TIE1: variants seen among roughly 807,000 people sequenced by gnomAD.
The protein encoded by TIE1 is tyrosine kinase with immunoglobulin like and EGF like domains 1, also known as tyrosine-protein kinase receptor Tie-1.
In TIE1, 89 loss-of-function variants were observed where a neutral mutation model predicts 130.5. The ratio of observed to expected loss-of-function variants is 0.68; its 90% CI spans 0.57 to 0.81. The LOEUF (loss-of-function observed/expected upper bound fraction) is 0.81, where lower values mean the gene tolerates loss of function less well. Ranked by LOEUF, TIE1 falls within the 40% of genes least tolerant of loss-of-function variation. The pLI is 0.00. For synonymous variants in TIE1, 568 were observed against 629.4 expected, an observed-to-expected ratio of 0.90 and a Z score of 1.46; for missense variants, 1,392 against 1,559.8, an observed-to-expected ratio of 0.89 and a Z score of 1.81.
Position 43,318,869 on chromosome 1 carries a change from G to A in TIE1, c.2923-366G>A, listed in dbSNP as rs1033217218. On this transcript the variant is annotated intron_variant, in intron 17 of 22. Transcript: ENST00000372476. The surrounding 1 kb of genome is among the most constrained non-coding windows in gnomAD (Gnocchi z 4.4). ...CAGAGGGGCAGGGGAAGGGGCCAGT[G>A]CAGAGGGAGGGGCTGGTGGAGAGAG... is the stretch of plus-strand genomic sequence containing the variant. Among the ~76,000 whole-genome samples the A allele has an allele frequency of 6.6e-6, 1 of 152,128 alleles. No individual in the cohort carries two copies. The highest frequency in any genetic ancestry group is 1.5e-5 in the Non-Finnish European group (1 of 68,028).
chr1:43,321,792 C>G, intron 22 of TIE1, 77 bp downstream of exon 22: 6 of 1,356,952 alleles, frequency 4.4e-6, no homozygotes, highest in Non-Finnish European at 6.1e-6. Flanking sequence ...TGCCATGACC[C>G]CTGTCCCAAC....
At position 43,317,739 on chromosome 1, in the gene TIE1, A is replaced by C; in HGVS notation, c.2731+65A>C. 6.8e-7 allele frequency: 1 copy of C among 1,477,662 alleles called. No homozygotes were observed. Among genetic ancestry groups the C allele is most frequent in the Non-Finnish European group, 9.3e-7 (1 of 1,077,936 alleles). The allele number at this position is 1,477,662 out of a possible 1,614,324, so 91.5% of individuals were successfully genotyped here. A position where few individuals can be genotyped will look rare whatever the true frequency, so the allele number is the denominator to read the frequency against. ...CCCATCCTCAGCCATCACCTCCACC[A>C]CATGAGTAGCTTGCCAGGGGCTGCT... On this transcript the variant is annotated intron_variant, in intron 16 of 22. Transcript: ENST00000372476. The surrounding 1 kb of genome is among the most constrained non-coding windows in gnomAD (Gnocchi z 5.1).
chr1:43,303,648 C>T (rs528202643), intron 1 of TIE1, among the ~76,000 whole-genome samples: 39 of 152,178 alleles, frequency 2.6e-4, no homozygotes, highest in Admixed American at 2.3e-3. Flanking sequence ...ACTCTGACTC[C>T]ACCTGATCTC....
Position 43,304,982 on chromosome 1 carries a change from G to A in TIE1, c.190G>A (p.Glu64Lys). ...SDAWGPPLLLEKDDRIVRTPP... is the reference protein window; with the variant it reads ...SDAWGPPLLLKKDDRIVRTPP... ...CGCCTGGGGCCCGCCCCTGCTGCTG[G>A]AGAAGGACGACCGTATCGTGCGCAC... The change falls in exon 2 of 23, where the codon GAG becomes AAG. Residue 64 changes from glutamate (E) to lysine (K), a missense_variant. This residue lies in a region of TIE1 where 415 missense variants were observed against 424.8 expected (regional missense o/e 0.98). Transcript: ENST00000372476. 2 of 1,485,960 alleles carry A rather than the reference G, an allele frequency of 1.3e-6. No individual in the cohort carries two copies. The highest frequency in any genetic ancestry group is 1.4e-5 in the South Asian group (1 of 72,652). 92.0% of individuals were successfully genotyped at this position (1,485,960 alleles called of 1,614,324 possible). A position where few individuals can be genotyped will look rare whatever the true frequency, so the allele number is the denominator to read the frequency against.
rs368858498 is a variant in TIE1, at chr1:43,309,141, C to T, written c.1188+10C>T. On this transcript the variant is annotated intron_variant, in intron 8 of 22. Coordinates refer to ENST00000372476, the MANE Select transcript of TIE1 (RefSeq NM_005424.5). This position sits in a 1 kb window ranked among gnomAD's most constrained non-coding sequence, Gnocchi z 6.3. ...CGGCACTGTGCTCCTGGTCAGCCCC[C>T]AATCACCCCAACCCACCAGCCCCTC... is the stretch of plus-strand genomic sequence containing the variant. 1.3e-5 allele frequency: 20 copies of T among 1,580,490 alleles called. No homozygotes were observed. The highest frequency in any genetic ancestry group is 1.1e-4 in the East Asian group (5 of 44,444).
chr1:43,314,161 C>A, intron 14 of TIE1, 193 bp downstream of exon 14: 1 of 778,074 alleles, frequency 1.3e-6, no homozygotes, highest in Non-Finnish European at 2.1e-6. Context: ...CTGAATTCAG[C>A]TCATGAGCCC....
intron 1 of TIE1, among the ~76,000 whole-genome samples, chr1:43,303,687 C>T (rs2153910015): frequency 6.6e-6 from 1 of 152,242 alleles, no homozygotes; most frequent in East Asian, 1.9e-4. Context: ...TTTTGTACTC[C>T]AGTCACACAA....
chr1:43,322,956 C>T lies in TIE1; in HGVS notation c.*234C>T. The T allele has an allele frequency of 1.9e-6, 1 of 529,940 alleles. No homozygotes were observed. The highest frequency in any genetic ancestry group is 3.4e-6 in the Non-Finnish European group (1 of 295,352). 32.8% of individuals were successfully genotyped at this position (529,940 alleles called of 1,614,324 possible). On this transcript the variant is annotated 3_prime_UTR_variant, in exon 23 of 23. Coordinates refer to ENST00000372476, the MANE Select transcript of TIE1 (RefSeq NM_005424.5). The surrounding 1 kb of genome is among the most constrained non-coding windows in gnomAD (Gnocchi z 4.0). ...CCTTCTTTCTAGTTCAGCTGCCCCA[C>T]AGGTGTGTTTCCCATCCCACTGCTC...
intron 20 of TIE1, 31 bp downstream of exon 20, chr1:43,321,340 C>G (rs1418642272): frequency 1.2e-6 from 2 of 1,613,852 alleles, no homozygotes; most frequent in Non-Finnish European, 1.7e-6. Context: ...CCCCAGAGTG[C>G]CCCACCTTAC....
At chr1:43,321,032 C>CAAAAAAAAAAAA (rs752698629) in intron 19 of TIE1, among the ~76,000 whole-genome samples, 2 of 97,368 alleles carry the variant, frequency 2.1e-5, no homozygotes, top group African/African-American at 4.7e-5. Flanking sequence ...GACCCTGTCT[C>CAAAAAAAAAAAA]AAAAAAAAAA....
rs754542928 is a variant in TIE1 at position 43,317,663 on chromosome 1, G to A, written c.2720G>A (p.Cys907Tyr). The A allele has an allele frequency of 1.9e-6, 3 of 1,585,202 alleles. No homozygotes were observed. Among genetic ancestry groups the A allele is most frequent in the Non-Finnish European group, 2.6e-6 (3 of 1,164,410 alleles). ...HPNIINLLGA[C>Y]KNRGYLYIAI... ...AACATCATCAACCTCCTGGGGGCCT[G>A]TAAGAACCGAGGTGAGCCCCCAGCT... The change falls in exon 16 of 23, where the codon TGT (cysteine) becomes TAT (tyrosine). Residue 907 changes from cysteine to tyrosine, a missense_variant. Cys to Tyr is a radical substitution (Grantham distance 194, BLOSUM62 -2). Coordinates refer to ENST00000372476, the MANE Select transcript of TIE1 (RefSeq NM_005424.5). This position sits in a 1 kb window ranked among gnomAD's most constrained non-coding sequence, Gnocchi z 5.1.
Position 43,307,121 on chromosome 1 carries a change from G to T in TIE1, c.641-21G>T. 6.2e-7 allele frequency: 1 copy of T among 1,613,946 alleles called. No individual in the cohort carries two copies. The highest frequency in any genetic ancestry group is 8.5e-7 in the Non-Finnish European group (1 of 1,179,992). On this transcript the variant is annotated intron_variant, in intron 4 of 22. Coordinates refer to ENST00000372476, the MANE Select transcript of TIE1 (RefSeq NM_005424.5). The surrounding 1 kb of genome is among the most constrained non-coding windows in gnomAD (Gnocchi z 5.4). ...GTGGTCAGGTGGGTGAGGGTCAGCTGCTGAAGACACCTTCCTCCAGGTTGT... is the reference window on the plus strand; with the variant it reads ...GTGGTCAGGTGGGTGAGGGTCAGCTTCTGAAGACACCTTCCTCCAGGTTGT...
rs746228778 is a variant in TIE1 at position 43,313,448 on chromosome 1, AC to A, written c.2218+29del. On this transcript the variant is annotated intron_variant, in intron 13 of 22. Transcript: ENST00000372476. The surrounding 1 kb of genome is among the most constrained non-coding windows in gnomAD (Gnocchi z 6.2). The stretch of plus-strand genomic sequence containing the variant: ...ACGGTGAGAGGGCAGGGCCCACAGG[AC>A]CCCCCGGGCTCTGAGCGGGGAGAGC... 6.2e-7 allele frequency: 1 copy of A among 1,611,684 alleles called. No homozygotes were observed. Among genetic ancestry groups the A allele is most frequent in the East Asian group, 2.2e-5 (1 of 44,812 alleles).
At chr1:43,303,116 G>T (rs114558420) in intron 1 of TIE1, among the ~76,000 whole-genome samples, 1,539 of 152,222 alleles carry the variant, frequency 0.01, 26 homozygotes, top group African/African-American at 0.034. Flanking sequence ...AAAGTGCCTG[G>T]TGCATAACTG....
At chr1:43,305,746 A>C (rs1024464963) in intron 3 of TIE1, among the ~76,000 whole-genome samples, 2 of 152,176 alleles carry the variant, frequency 1.3e-5, no homozygotes, top group Non-Finnish European at 2.9e-5. Flanking sequence ...TCTCCCAAAG[A>C]TCTGTCCAGC....
At position 43,317,671 on chromosome 1, in the gene TIE1, C is replaced by G. The variant is rs767096356; in HGVS notation, c.2728C>G (p.Arg910Gly). The change falls in exon 16 of 23, where the codon CGA (arginine) becomes GGA (glycine). Residue 910 changes from arginine to glycine, a missense_variant. Physicochemically the swap from Arg to Gly is moderately radical, Grantham distance 125. Transcript: ENST00000372476. The surrounding 1 kb of genome is among the most constrained non-coding windows in gnomAD (Gnocchi z 5.1). ...IINLLGACKN[R>G]GYLYIAIEYA... ...CAACCTCCTGGGGGCCTGTAAGAAC[C>G]GAGGTGAGCCCCCAGCTCATCACCT... The G allele has an allele frequency of 1.4e-5, 22 of 1,574,760 alleles. No homozygotes were observed. Among genetic ancestry groups the G allele is most frequent in the Non-Finnish European group, 1.6e-5 (19 of 1,158,980 alleles).
Position 43,305,035 on chromosome 1 carries a change from G to A in TIE1, c.243G>A (p.Ala81=), listed in dbSNP as rs755841300. The part of the protein sequence containing the change: ...RTPPGPPLRL[A]RNGSHQVTLR... ...CGCCCGGGCCACCCCTGCGCCTGGC[G>A]CGCAACGGTTCGCACCAGGTCACGC... The change falls in exon 2 of 23, where the codon GCG becomes GCA. Residue 81 remains alanine, a synonymous_variant. Transcript: ENST00000372476. 1.3e-6 allele frequency: 2 copies of A among 1,590,406 alleles called. No homozygotes were observed. The highest frequency in any genetic ancestry group is 8.6e-7 in the Non-Finnish European group (1 of 1,166,124).
chr1:43,320,975 T>C (rs1646911177), intron 19 of TIE1: 1 of 429,608 alleles, frequency 2.3e-6, no homozygotes, highest in African/African-American at 2.1e-5. Flanking sequence ...TCCTGGGAGG[T>C]TGAGGCTGCA....
rs761345700 is a variant in TIE1 at position 43,318,011 on chromosome 1, G to A, written c.2861G>A (p.Arg954Gln). The A allele has an allele frequency of 5.6e-5, 90 of 1,594,440 alleles. No homozygotes were observed. The highest frequency in any genetic ancestry group is 7.1e-5 in the Non-Finnish European group (83 of 1,169,846). The change falls in exon 17 of 23, where the codon CGG becomes CAG. Residue 954 changes from arginine to glutamine, a missense_variant. Physicochemically the swap from Arg to Gln is conservative, Grantham distance 43 (BLOSUM62 1). Around this residue, in one of 6 missense-constraint regions of TIE1, gnomAD observed 286 missense variants for 354.4 expected, o/e 0.81. Coordinates refer to ENST00000372476, the MANE Select transcript of TIE1 (RefSeq NM_005424.5). This position sits in a 1 kb window ranked among gnomAD's most constrained non-coding sequence, Gnocchi z 4.4. ...GGGACAGCCTCTACCCTTAGCTCCCGGCAGCTGCTGCGTTTCGCCAGTGAT... is the reference window on the plus strand; with the variant it reads ...GGGACAGCCTCTACCCTTAGCTCCCAGCAGCTGCTGCGTTTCGCCAGTGAT... The part of the protein sequence containing the change: ...EHGTASTLSS[R>Q]QLLRFASDAA...
Sources: gnomAD v4.1 joint callset for allele counts (sites outside exome capture counted in the v4.1 genomes callset) on GRCh38, gnomAD v4.1.1 for gene constraint, gnomAD v4.1.1 regional missense constraint, Gnocchi (gnomAD v3.1) non-coding constraint, MANE v1.5 for transcripts, NCBI Gene and HGNC (gene_info 2026-07-23, HGNC 2026-07-21) for gene names.